PCDHA12: variants seen among roughly 807,000 people sequenced by gnomAD.
The protein encoded by PCDHA12 is protocadherin alpha-12.
In PCDHA12, 44 loss-of-function variants were observed where a neutral mutation model predicts 60.0. That is an observed-to-expected ratio of 0.73 (90% confidence interval 0.58 to 0.94). The LOEUF (loss-of-function observed/expected upper bound fraction) is 0.94. PCDHA12 is among the 40% of genes least tolerant of loss of function. The probability of loss-of-function intolerance (pLI) is 0.00; values close to 1 mark genes in which losing one functional copy is unlikely to be tolerated. For missense variants in PCDHA12, 1,276 were observed against 1,239.7 expected (o/e 1.03, Z -0.44); for synonymous variants, 569 against 553.0 (o/e 1.03, Z -0.40).
At chr5:140,946,631 T>TATATATATATACACACAC (rs57893927) in intron 1 of PCDHA12, among the ~76,000 whole-genome samples, 1 of 131,846 alleles carries the variant, frequency 7.6e-6, no homozygotes, top group East Asian at 2.0e-4. Context: ...TATATATATA[T>TATATATATATACACACAC]ACAATGGAAT....
chr5:140,880,742 G>A, intron 1 of PCDHA12, among the ~76,000 whole-genome samples: 1 of 152,208 alleles, frequency 6.6e-6, no homozygotes, highest in East Asian at 1.9e-4. Flanking sequence ...AAAATGGATT[G>A]TCAGTGTAAC....
chr5:140,927,209 A>G, intron 1 of PCDHA12: 2 of 1,614,092 alleles, frequency 1.2e-6, no homozygotes, highest in Non-Finnish European at 1.7e-6. Context: ...GACCCGCTGG[A>G]GCTGCACAAG....
intron 1 of PCDHA12, chr5:140,967,899 C>G: frequency 6.2e-7 from 1 of 1,614,180 alleles, no homozygotes; most frequent in African/African-American, 1.3e-5. Flanking sequence ...CCTGAGAATG[C>G]TACACCCAAC....
intron 1 of PCDHA12, chr5:140,883,531 T>G: frequency 6.2e-7 from 1 of 1,614,210 alleles, no homozygotes; most frequent in Non-Finnish European, 8.5e-7. Flanking sequence ...TATCAGCCTA[T>G]GAACTGGTGG....
chr5:140,966,812 C>T, intron 1 of PCDHA12: 1 of 1,550,798 alleles, frequency 6.4e-7, no homozygotes, highest in East Asian at 2.4e-5. Flanking sequence ...GCATCCACGG[C>T]TCCGGCGGCC....
At chr5:140,883,792 G>C (rs1050179503) in intron 1 of PCDHA12, 7 of 1,612,560 alleles carry the variant, frequency 4.3e-6, no homozygotes, top group African/African-American at 1.3e-5. Flanking sequence ...CGAGCTACGT[G>C]TCGGTGCACG....
chr5:140,945,948 C>T (rs782232521), intron 1 of PCDHA12, among the ~76,000 whole-genome samples: 6 of 151,900 alleles, frequency 3.9e-5, no homozygotes, highest in Non-Finnish European at 5.9e-5. Context: ...TTTTATATGA[C>T]CCTGAAAGCA....
At chr5:140,897,339 C>G (rs1373496877) in intron 1 of PCDHA12, among the ~76,000 whole-genome samples, 14 of 121,352 alleles carry the variant, frequency 1.2e-4, no homozygotes, top group African/African-American at 4.4e-4. Context: ...CCCCCTCCCC[C>G]CACCCCACAA....
At chr5:140,883,355 A>C (rs763058953) in intron 1 of PCDHA12, 36 of 1,613,958 alleles carry the variant, frequency 2.2e-5, no homozygotes, top group Non-Finnish European at 3.0e-5. Context: ...CAGAGAAGAC[A>C]CTCAGCCTAG....
chr5:140,984,458 C>T (rs1363789281), intron 3 of PCDHA12, among the ~76,000 whole-genome samples: 2 of 152,140 alleles, frequency 1.3e-5, no homozygotes, highest in African/African-American at 4.8e-5. Flanking sequence ...CTTACTGTCC[C>T]AGCCCCTCTT....
At chr5:140,967,845 A>G in intron 1 of PCDHA12, 3 of 1,614,160 alleles carry the variant, frequency 1.9e-6, no homozygotes, top group Non-Finnish European at 2.5e-6. Flanking sequence ...GACGTGAATG[A>G]CAATGCCCCA....
intron 3 of PCDHA12, among the ~76,000 whole-genome samples, chr5:140,996,427 G>A (rs1479947811): frequency 6.6e-6 from 1 of 152,176 alleles, no homozygotes; most frequent in Non-Finnish European, 1.5e-5. Context: ...GAAAACTTTG[G>A]GAATAGTCAG....
At chr5:141,006,993 T>A (rs1484865636) in intron 3 of PCDHA12, among the ~76,000 whole-genome samples, 5 of 152,290 alleles carry the variant, frequency 3.3e-5, no homozygotes, top group African/African-American at 4.8e-5. Flanking sequence ...GCTTAAAATA[T>A]AAGTCTGCAT....
intron 1 of PCDHA12, chr5:140,882,292 C>G (rs2059050033): frequency 1.2e-6 from 2 of 1,613,422 alleles, no homozygotes; most frequent in African/African-American, 1.3e-5. Flanking sequence ...GGCAAGGAGG[C>G]CCAAGACCGC....
chr5:140,987,474 G>A (rs114440148), intron 3 of PCDHA12, among the ~76,000 whole-genome samples: 307 of 152,240 alleles, frequency 2.0e-3, no homozygotes, highest in African/African-American at 7.1e-3. Context: ...CTCAAGCTTG[G>A]GAGTCAGTGA....
chr5:141,009,720 C>G lies in PCDHA12; in HGVS notation c.2609C>G (p.Ser870Cys), dbSNP rs782119637. ...FKYGPGNPKQ[S>C]GPGELPDKFI... ...TACGGACCAGGCAACCCCAAACAAT[C>G]CGGTCCCGGTGAGTTGCCCGACAAA... The change falls in exon 4 of 4, where the codon TCC (serine) becomes TGC (cysteine). Residue 870 changes from serine to cysteine, a missense_variant. Transcript: ENST00000398631. 1 of 1,614,180 alleles carries G rather than the reference C, an allele frequency of 6.2e-7. No individual in the cohort carries two copies. The highest frequency in any genetic ancestry group is 2.2e-5 in the East Asian group (1 of 44,872).
At chr5:140,957,252 A>C (rs557518275) in intron 1 of PCDHA12, among the ~76,000 whole-genome samples, 80 of 152,330 alleles carry the variant, frequency 5.3e-4, no homozygotes, top group African/African-American at 1.9e-3. Context: ...CCTAAAATTT[A>C]AATATGTAAG....
chr5:140,963,301 A>T (rs2095755158), intron 1 of PCDHA12, among the ~76,000 whole-genome samples: 1 of 152,238 alleles, frequency 6.6e-6, no homozygotes, highest in Non-Finnish European at 1.5e-5. Flanking sequence ...GAGAGAAAAT[A>T]AGAAGCTGTT....
chr5:141,000,419 A>ATTTTT (rs1563652468), intron 3 of PCDHA12, among the ~76,000 whole-genome samples: 15 of 60,994 alleles, frequency 2.5e-4, no homozygotes, highest in East Asian at 5.4e-4. Flanking sequence ...ATATATATAT[A>ATTTTT]TATTTTTTTT....
Sources: allele counts gnomAD v4.1 joint callset (sites outside exome capture counted in the v4.1 genomes callset), GRCh38; gene constraint gnomAD v4.1.1; transcripts MANE v1.5; gene names NCBI Gene and HGNC (gene_info 2026-07-23, HGNC 2026-07-21).